The following KDM3B variants were observed in gnomAD, a reference collection of about 807,000 sequenced individuals.
The protein encoded by KDM3B is lysine-specific demethylase 3B.
Under a neutral mutation model 170.0 loss-of-function variants are expected in KDM3B, and 10 were observed. That is an observed-to-expected ratio of 0.06 (90% confidence interval 0.04 to 0.10). KDM3B has a LOEUF of 0.10. KDM3B is among the 10% of genes least tolerant of loss of function. The pLI is 1.00. For missense variants in KDM3B, 1,394 were observed against 2,195.2 expected (o/e 0.64, Z 7.29); for synonymous variants, 831 against 834.8 (o/e 1.00, Z 0.08).
At position 138,435,667 on chromosome 5, in the gene KDM3B, C is replaced by T. The variant is rs1763655133; in HGVS notation, c.5253C>T (p.Leu1751=). Residue 1751 remains leucine, a synonymous_variant, in exon 24 of 24, where the codon CTC becomes CTT. Coordinates refer to ENST00000314358, the MANE Select transcript of KDM3B (RefSeq NM_016604.4). ...YHAVKDAVGT[L]KAHESKLARS ...CAGTGAAAGATGCGGTTGGCACCCTCAAGGCTCATGAATCCAAACTGGCAA... is the reference window on the plus strand; with the variant it reads ...CAGTGAAAGATGCGGTTGGCACCCTTAAGGCTCATGAATCCAAACTGGCAA... 5 of 1,613,754 alleles carry T rather than the reference C, an allele frequency of 3.1e-6. No homozygotes were observed. The highest frequency in any genetic ancestry group is 3.4e-6 in the Non-Finnish European group (4 of 1,179,892).
chr5:138,406,779 G>T (rs1020972923), intron 11 of KDM3B, among the ~76,000 whole-genome samples: 2 of 152,108 alleles, frequency 1.3e-5, no homozygotes, highest in African/African-American at 2.4e-5. Context: ...AGAGATGTAG[G>T]CACAGTGGCG....
At chr5:138,381,177 G>A (rs754820054) in intron 5 of KDM3B, among the ~76,000 whole-genome samples, 1 of 152,086 alleles carries the variant, frequency 6.6e-6, no homozygotes, top group African/African-American at 2.4e-5. Context: ...CCCAGCCCTA[G>A]AGTGATTCTT....
chr5:138,407,224 G>A (rs965139052), intron 11 of KDM3B, among the ~76,000 whole-genome samples: 1 of 152,058 alleles, frequency 6.6e-6, no homozygotes, highest in African/African-American at 2.4e-5. Flanking sequence ...GACCTCAGGT[G>A]ACCTGCCTGC....
At chr5:138,420,070 T>C (rs571709150) in intron 14 of KDM3B, among the ~76,000 whole-genome samples, 8 of 152,176 alleles carry the variant, frequency 5.3e-5, no homozygotes, top group African/African-American at 1.7e-4. Context: ...GTATTTTTAA[T>C]AGAGACGAGG....
intron 17 of KDM3B, chr5:138,426,629 G>A (rs1386123340): frequency 3.9e-5 from 8 of 202,912 alleles, no homozygotes; most frequent in African/African-American, 9.8e-5. Flanking sequence ...AGTGCCTTAC[G>A]CCTGTAATCC....
At chr5:138,382,146 A>G (rs1580896602) in intron 6 of KDM3B, among the ~76,000 whole-genome samples, 2 of 152,128 alleles carry the variant, frequency 1.3e-5, no homozygotes, top group African/African-American at 4.8e-5. Flanking sequence ...GCCCCAAAAA[A>G]GATACATTAA....
chr5:138,410,606 C>T (rs1762940005), intron 11 of KDM3B, among the ~76,000 whole-genome samples: 1 of 152,164 alleles, frequency 6.6e-6, no homozygotes, highest in South Asian at 2.1e-4. Context: ...GAAGAAAAGA[C>T]AGCTGGGCCC....
At chr5:138,416,608 AAAC>A (rs1414652647) in intron 12 of KDM3B, among the ~76,000 whole-genome samples, 3,321 of 150,528 alleles carry the variant, frequency 0.022, 62 homozygotes, top group South Asian at 0.098. Flanking sequence ...AAAAAAAAAA[AAAC>A]ATAACAAAAA....
intron 9 of KDM3B, 80 bp downstream of exon 9, chr5:138,393,452 C>T: frequency 8.6e-7 from 1 of 1,162,578 alleles, no homozygotes; most frequent in Non-Finnish European, 1.2e-6. Flanking sequence ...AGTCTATAAA[C>T]ATGTTTCATC....
Position 138,386,054 on chromosome 5 carries a change from A to T in KDM3B, c.813A>T (p.Lys271Asn). ...CGTTAAAAGCAGTAAAATCTTCCAA[A>T]GGAAAGAAGAAGAGAGAAAGCATAG... Reference protein sequence around the residue: ...GGTLKAVKSSKGKKKRESIEG... With the variant: ...GGTLKAVKSSNGKKKRESIEG... Residue 271 changes from lysine (K) to asparagine (N), a missense_variant, in exon 7 of 24, where the codon AAA (lysine) becomes AAT (asparagine). Physicochemically the swap from Lys to Asn is moderately conservative, Grantham distance 94 (BLOSUM62 0). Transcript: ENST00000314358. 6.2e-7 allele frequency: 1 copy of T among 1,607,702 alleles called. No homozygotes were observed. The highest frequency in any genetic ancestry group is 8.5e-7 in the Non-Finnish European group (1 of 1,177,694).
rs563167767 is a variant in KDM3B at position 138,402,461 on chromosome 5, C to T, written c.3199+2449C>T. On this transcript the variant is annotated intron_variant, in intron 11 of 23. Coordinates refer to ENST00000314358, the MANE Select transcript of KDM3B (RefSeq NM_016604.4). ...ATCTTGGGCTAGTTACTTAATCCTG[C>T]AGAGCCTCAGTTTTCTTGTCTGTAA... 9.3e-4 allele frequency among the ~76,000 whole-genome samples: 142 copies of T among 152,316 alleles called. 2 individuals are homozygous for T. The highest frequency in any genetic ancestry group is 1.7e-3 in the Non-Finnish European group (118 of 68,030).
At chr5:138,364,010 G>A (rs967202222) in intron 1 of KDM3B, among the ~76,000 whole-genome samples, 1 of 148,010 alleles carries the variant, frequency 6.8e-6, no homozygotes, top group Non-Finnish European at 1.5e-5. Flanking sequence ...TCCGCCTCCC[G>A]ACTTCAAGTC....
intron 1 of KDM3B, among the ~76,000 whole-genome samples, chr5:138,356,072 C>T (rs62380933): frequency 0.14 from 21,694 of 152,070 alleles, 1,827 homozygotes; most frequent in South Asian, 0.25. Context: ...TTTTTGGTAA[C>T]TACCTTATAT....
At chr5:138,408,182 A>G (rs187010686) in intron 11 of KDM3B, among the ~76,000 whole-genome samples, 62 of 152,294 alleles carry the variant, frequency 4.1e-4, no homozygotes, top group Non-Finnish European at 5.0e-4. Context: ...GCCTTCCCCT[A>G]AAGCTATGTA....
At chr5:138,425,078 G>A (rs1763360256) in intron 16 of KDM3B, among the ~76,000 whole-genome samples, 1 of 152,224 alleles carries the variant, frequency 6.6e-6, no homozygotes, top group Admixed American at 6.5e-5. Flanking sequence ...GCTTGAGGAA[G>A]GGGAGCTCAT....
chr5:138,426,881 G>T (rs112749357), intron 17 of KDM3B, 94 bp from the exon 18 acceptor site: 66 of 712,118 alleles, frequency 9.3e-5, no homozygotes, highest in Non-Finnish European at 1.4e-4. Context: ...AAAAAAAAAA[G>T]AAAAAAAAGA....
intron 1 of KDM3B, among the ~76,000 whole-genome samples, chr5:138,362,668 GGTTTT>G (rs1761642931): frequency 6.8e-6 from 1 of 147,656 alleles, no homozygotes; most frequent in South Asian, 2.1e-4. Flanking sequence ...TTATTTCTAT[GGTTTT>G]GTTATATAAT....
At chr5:138,413,335 A>G (rs1310473747) in intron 11 of KDM3B, among the ~76,000 whole-genome samples, 2 of 151,006 alleles carry the variant, frequency 1.3e-5, no homozygotes, top group East Asian at 4.0e-4. Flanking sequence ...GTGAGCCGAG[A>G]TCACACCACT....
rs564198090 is a variant in KDM3B at position 138,373,767 on chromosome 5, G to C, written c.360+926G>C. Among the ~76,000 whole-genome samples, 101 of 152,198 alleles carry C rather than the reference G, an allele frequency of 6.6e-4. 1 individual carries two copies. The highest frequency in any genetic ancestry group is 1.7e-3 in the Admixed American group (26 of 15,292). ...CCCAAAGTGCTGGGATTATAGGCATGAGCCACTGTGCCTGGCTGTGTGTTA... is the reference window on the plus strand; with the variant it reads ...CCCAAAGTGCTGGGATTATAGGCATCAGCCACTGTGCCTGGCTGTGTGTTA... On this transcript the variant is annotated intron_variant, in intron 2 of 23. Transcript: ENST00000314358.
Sources: gnomAD v4.1 joint callset for allele counts (sites outside exome capture counted in the v4.1 genomes callset) on GRCh38, gnomAD v4.1.1 for gene constraint, MANE v1.5 for transcripts, NCBI Gene and HGNC (gene_info 2026-07-23, HGNC 2026-07-21) for gene names.